The following TNKS2 variants were observed in gnomAD, a reference collection of about 807,000 sequenced individuals.
TNKS2 encodes poly [ADP-ribose] polymerase tankyrase-2.
TNKS2 carries 72 observed loss-of-function variants against 137.6 expected under a neutral mutation model. The observed-to-expected ratio is 0.52, with a 90% CI of 0.43 to 0.64. TNKS2 has a LOEUF of 0.64. Among genes scored for constraint, TNKS2 ranks in the 30% least tolerant of loss-of-function variants. The probability of loss-of-function intolerance (pLI) is 0.00; values close to 1 mark genes in which losing one functional copy is unlikely to be tolerated. For synonymous variants in TNKS2, 516 were observed against 512.1 expected, an observed-to-expected ratio of 1.01 and a Z score of -0.10; for missense variants, 1,049 against 1,410.2, an observed-to-expected ratio of 0.74 and a Z score of 4.10.
intron 9 of TNKS2, 51 bp from the exon 10 acceptor site, chr10:91,830,872 A>G (rs897224488): frequency 1.4e-6 from 2 of 1,393,360 alleles, no homozygotes. Context: ...GAATGTTCTT[A>G]AAATCAGTTA....
Position 91,862,117 on chromosome 10 carries a change from C to G in TNKS2, c.3400C>G (p.Leu1134Val). ...SVTGRPSVNG[L>V]ALAEYVIYRG... ...CACTGGTAGGCCCAGTGTAAATGGC[C>G]TAGCATTAGCTGAATATGTTATTTA... The change falls in exon 26 of 27, where the codon CTA becomes GTA. Residue 1134 changes from leucine (L) to valine (V), a missense_variant. Coordinates refer to ENST00000371627, the MANE Select transcript of TNKS2 (RefSeq NM_025235.4). 6.2e-7 allele frequency: 1 copy of G among 1,610,436 alleles called. No homozygotes were observed. The highest frequency in any genetic ancestry group is 8.5e-7 in the Non-Finnish European group (1 of 1,178,338).
At chr10:91,848,756 T>G in intron 19 of TNKS2, 121 bp downstream of exon 19, 1 of 1,179,812 alleles carries the variant, frequency 8.5e-7, no homozygotes, top group Non-Finnish European at 1.2e-6. Flanking sequence ...TTAGTTAACA[T>G]AGCCTTAAAA....
intron 2 of TNKS2, 101 bp from the exon 3 acceptor site, chr10:91,817,033 C>A (rs1005758422): frequency 4.1e-6 from 3 of 726,956 alleles, no homozygotes; most frequent in Non-Finnish European, 7.0e-6. Context: ...CTTTAAACAA[C>A]TTTGAGACTT....
At chr10:91,830,817 A>G in intron 9 of TNKS2, 106 bp from the exon 10 acceptor site, 1 of 1,013,294 alleles carries the variant, frequency 9.9e-7, no homozygotes, top group Non-Finnish European at 1.4e-6. Context: ...CAAAAGTAAA[A>G]CAAAAAGATT....
intron 1 of TNKS2, among the ~76,000 whole-genome samples, chr10:91,805,686 C>G (rs1262702801): frequency 6.6e-6 from 1 of 152,230 alleles, no homozygotes; most frequent in Non-Finnish European, 1.5e-5. Context: ...TTGATTACTT[C>G]AGATATGCTT....
chr10:91,804,306 C>T (rs1180171241), intron 1 of TNKS2, among the ~76,000 whole-genome samples: 1 of 152,184 alleles, frequency 6.6e-6, no homozygotes, highest in African/African-American at 2.4e-5. Flanking sequence ...GACACAATAC[C>T]TGCCATTAAC....
At chr10:91,852,599 A>G (rs1444236471) in intron 21 of TNKS2, among the ~76,000 whole-genome samples, 1 of 152,224 alleles carries the variant, frequency 6.6e-6, no homozygotes, top group Non-Finnish European at 1.5e-5. Context: ...TTAAGTGTCA[A>G]AACCACATTT....
At chr10:91,835,584 C>T (rs1191533505) in intron 12 of TNKS2, among the ~76,000 whole-genome samples, 3 of 138,268 alleles carry the variant, frequency 2.2e-5, no homozygotes, top group Admixed American at 7.5e-5. Context: ...CCACCATGCC[C>T]GGCCTTTCTT....
At chr10:91,836,685 A>G (rs1842030120) in intron 12 of TNKS2, 6 of 985,280 alleles carry the variant, frequency 6.1e-6, no homozygotes, top group Non-Finnish European at 7.2e-6. Flanking sequence ...ATCACATTTT[A>G]TAATCATTAT....
chr10:91,833,822 G>A (rs774568868), intron 11 of TNKS2, 31 bp from the exon 12 acceptor site: 2 of 1,516,714 alleles, frequency 1.3e-6, no homozygotes, highest in Admixed American at 4.4e-5. Context: ...TTGCATTGCG[G>A]GCTAATTTCA....
At chr10:91,852,555 G>A (rs1842577194) in intron 21 of TNKS2, among the ~76,000 whole-genome samples, 1 of 152,148 alleles carries the variant, frequency 6.6e-6, no homozygotes, top group Non-Finnish European at 1.5e-5. Flanking sequence ...GCGAGACTCC[G>A]TCTCAAAAAA....
chr10:91,814,071 G>T (rs1310882879), intron 2 of TNKS2, among the ~76,000 whole-genome samples: 4 of 152,146 alleles, frequency 2.6e-5, no homozygotes, highest in African/African-American at 9.7e-5. Context: ...GCCTCAGGCA[G>T]GTTCTTTAGG....
In TNKS2 at chr10:91,848,486, C is replaced by T. The variant is rs751907946; in HGVS notation, c.2462C>T (p.Thr821Ile). The change falls in exon 19 of 27, where the codon ACT (threonine) becomes ATT (isoleucine). Residue 821 changes from threonine to isoleucine, a missense_variant. This residue lies in a region of TNKS2 where 208 missense variants were observed against 231.2 expected (regional missense o/e 0.90). Coordinates refer to ENST00000371627, the MANE Select transcript of TNKS2 (RefSeq NM_025235.4). ...VLNGVRSPGATADALSSGPSS... is the reference protein window; with the variant it reads ...VLNGVRSPGAIADALSSGPSS... ...AATGGTGTGAGAAGCCCAGGAGCCACTGCAGATGCTCTCTCTTCAGGTCCA... is the reference window on the plus strand; with the variant it reads ...AATGGTGTGAGAAGCCCAGGAGCCATTGCAGATGCTCTCTCTTCAGGTCCA... 9 of 1,614,184 alleles carry T rather than the reference C, an allele frequency of 5.6e-6. No homozygotes were observed. Among genetic ancestry groups the T allele is most frequent in the Non-Finnish European group, 7.6e-6 (9 of 1,180,036 alleles).
chr10:91,829,687 T>C (rs1845178300), intron 9 of TNKS2, among the ~76,000 whole-genome samples: 1 of 152,214 alleles, frequency 6.6e-6, no homozygotes, highest in South Asian at 2.1e-4. Flanking sequence ...GAATTGGTTT[T>C]ATTTAGAGTA....
At chr10:91,807,947 G>C (rs1254136313) in intron 1 of TNKS2, among the ~76,000 whole-genome samples, 1 of 149,296 alleles carries the variant, frequency 6.7e-6, no homozygotes, top group African/African-American at 2.5e-5. Flanking sequence ...AGTGAGCTGA[G>C]ATTGGGCCAC....
At chr10:91,837,917 AAGG>A (rs1842079885) in intron 13 of TNKS2, among the ~76,000 whole-genome samples, 1 of 152,110 alleles carries the variant, frequency 6.6e-6, no homozygotes, top group Non-Finnish European at 1.5e-5. Flanking sequence ...AGGATATCGA[AAGG>A]AGGATTTTGT....
intron 11 of TNKS2, among the ~76,000 whole-genome samples, chr10:91,832,458 G>C (rs1164937279): frequency 7.4e-6 from 1 of 134,556 alleles, no homozygotes; most frequent in Non-Finnish European, 1.5e-5. Flanking sequence ...CTAACACAAA[G>C]TGGTACCCAA....
chr10:91,848,037 T>C (rs988946273), intron 18 of TNKS2, among the ~76,000 whole-genome samples: 1 of 152,230 alleles, frequency 6.6e-6, no homozygotes, highest in Non-Finnish European at 1.5e-5. Context: ...CGGAAATGCT[T>C]AGAACCAGAT....
At chr10:91,854,479 A>G (rs930833203) in intron 21 of TNKS2, among the ~76,000 whole-genome samples, 1 of 152,212 alleles carries the variant, frequency 6.6e-6, no homozygotes, top group Non-Finnish European at 1.5e-5. Context: ...TTAGTTAATA[A>G]GTTTTGACAA....
Sources: gnomAD v4.1 joint callset for allele counts (sites outside exome capture counted in the v4.1 genomes callset) on GRCh38, gnomAD v4.1.1 for gene constraint, gnomAD v4.1.1 regional missense constraint, MANE v1.5 for transcripts, NCBI Gene and HGNC (gene_info 2026-07-23, HGNC 2026-07-21) for gene names.